The following HPF1 variants were observed in gnomAD, a reference collection of about 807,000 sequenced individuals.
HPF1 encodes the protein histone PARylation factor 1.
A neutral mutation model predicts 38.8 loss-of-function variants in HPF1; 35 were observed. The ratio of observed to expected loss-of-function variants is 0.90; its 90% confidence interval spans 0.69 to 1.19. The LOEUF is 1.19. Among genes scored for constraint, HPF1 ranks in the 50% most tolerant of loss-of-function variants. HPF1 has a pLI of 0.00. For synonymous variants in HPF1, 115 were observed against 139.2 expected (o/e 0.83, Z 1.22); for missense variants, 367 against 405.8 (o/e 0.90, Z 0.82).
chr4:169,743,467 C>A (rs1301087516), intron 4 of HPF1, among the ~76,000 whole-genome samples: 1 of 123,444 alleles, frequency 8.1e-6, no homozygotes, highest in South Asian at 2.7e-4. Context: ...TATTATAACA[C>A]TAAAGGTCGA....
At chr4:169,747,973 T>G (rs1487951277) in intron 4 of HPF1, among the ~76,000 whole-genome samples, 1 of 152,140 alleles carries the variant, frequency 6.6e-6, no homozygotes, top group African/African-American at 2.4e-5. Context: ...CTAGAGCCAC[T>G]CACTGTGGCA....
chr4:169,733,501 C>A (rs1235383433), intron 6 of HPF1, among the ~76,000 whole-genome samples: 1 of 152,166 alleles, frequency 6.6e-6, no homozygotes, highest in African/African-American at 2.4e-5. Context: ...CTGGTTAAAA[C>A]ATTAACAATT....
intron 4 of HPF1, among the ~76,000 whole-genome samples, chr4:169,743,942 C>T (rs753247106): frequency 6.6e-6 from 1 of 151,860 alleles, no homozygotes; most frequent in Non-Finnish European, 1.5e-5. Flanking sequence ...AGATTAAACC[C>T]GTAGAGTTAC....
intron 2 of HPF1, among the ~76,000 whole-genome samples, chr4:169,753,159 G>A (rs1415786261): frequency 2.0e-5 from 3 of 148,382 alleles, no homozygotes; most frequent in Non-Finnish European, 4.4e-5. Flanking sequence ...TCAGCTTCCC[G>A]AGTAGCTGGG....
chr4:169,740,254 C>T (rs1317755046), intron 5 of HPF1, among the ~76,000 whole-genome samples: 4 of 152,190 alleles, frequency 2.6e-5, no homozygotes, highest in Non-Finnish European at 5.9e-5. Context: ...TTGGGTTTTA[C>T]ATGTGTCATT....
At chr4:169,730,591 C>T (rs1336296153) in intron 7 of HPF1, among the ~76,000 whole-genome samples, 1 of 152,230 alleles carries the variant, frequency 6.6e-6, no homozygotes, top group African/African-American at 2.4e-5. Context: ...TGCAAATTCT[C>T]AGGACCCACC....
At chr4:169,739,784 G>A (rs1425733472) in intron 5 of HPF1, among the ~76,000 whole-genome samples, 2 of 152,124 alleles carry the variant, frequency 1.3e-5, no homozygotes, top group African/African-American at 4.8e-5. Flanking sequence ...AAAATTATGA[G>A]GTAGATCTTA....
chr4:169,750,832 TA>T (rs1346175335), intron 2 of HPF1, 107 bp from the exon 3 acceptor site: 9 of 811,990 alleles, frequency 1.1e-5, no homozygotes, highest in Non-Finnish European at 1.7e-5. Flanking sequence ...GTTTCTAAAC[TA>T]AAAAAATCTT....
At chr4:169,743,875 T>C (rs1258253601) in intron 4 of HPF1, among the ~76,000 whole-genome samples, 1 of 149,920 alleles carries the variant, frequency 6.7e-6, no homozygotes, top group East Asian at 1.9e-4. Context: ...ATTGTACTTA[T>C]CAGGAAAAAA....
rs184007849 is a variant in HPF1 at position 169,742,754 on chromosome 4, T to G, written c.498-647A>C. 5.6e-3 allele frequency among the ~76,000 whole-genome samples: 852 copies of G among 151,968 alleles called. 10 individuals carry two copies. Among genetic ancestry groups the G allele is most frequent in the South Asian group, 0.047 (226 of 4,804 alleles). On this transcript the variant is annotated intron_variant, in intron 4 of 7. Coordinates refer to ENST00000393381, the MANE Select transcript of HPF1 (RefSeq NM_017867.3). ...TTGCAGTGAACCGAGATCGCGCCAC[T>G]GCACTCCAGCCTGGGCCACAGAGCA...
chr4:169,740,098 G>A (rs1314259091), intron 5 of HPF1, among the ~76,000 whole-genome samples: 3 of 152,206 alleles, frequency 2.0e-5, no homozygotes, highest in Admixed American at 6.5e-5. Context: ...GGGATCACAG[G>A]TGGATGGAGT....
intron 2 of HPF1, among the ~76,000 whole-genome samples, chr4:169,751,207 A>G (rs1355758136): frequency 6.6e-6 from 1 of 152,110 alleles, no homozygotes; most frequent in Non-Finnish European, 1.5e-5. Flanking sequence ...GGAGGAGACA[A>G]GCCTGGCCAA....
intron 5 of HPF1, among the ~76,000 whole-genome samples, chr4:169,740,820 T>G (rs1733959144): frequency 6.6e-6 from 1 of 152,198 alleles, no homozygotes; most frequent in South Asian, 2.1e-4. Context: ...AAATCTCCTC[T>G]GAAATAAATC....
In HPF1 at chr4:169,731,308, C is replaced by A. The variant is rs1477613562; in HGVS notation, c.909+396G>T. Reference sequence around the variant, plus strand: ...GAATTTAAGCACAATAACAAATACCCCCACCACAATGGAAACGAAATGGAG... The same window carrying A: ...GAATTTAAGCACAATAACAAATACCACCACCACAATGGAAACGAAATGGAG... On this transcript the variant is annotated intron_variant, in intron 7 of 7. Transcript: ENST00000393381. Among the ~76,000 whole-genome samples the A allele has an allele frequency of 3.3e-5, 5 of 152,206 alleles. No individual in the cohort carries two copies. The East Asian group carries it at 9.7e-4, about 29-fold the overall frequency.
chr4:169,741,908 G>GA (rs773073313), intron 5 of HPF1, 49 bp downstream of exon 5: 54 of 1,538,748 alleles, frequency 3.5e-5, no homozygotes, highest in Non-Finnish European at 4.0e-5. Flanking sequence ...ATCAAGAGGG[G>GA]AAAAAAATAT....
intron 1 of HPF1, 58 bp downstream of exon 1, chr4:169,757,772 G>A: frequency 1.4e-6 from 2 of 1,448,784 alleles, no homozygotes; most frequent in Non-Finnish European, 1.9e-6. Context: ...CTGCCTCCTG[G>A]TGCCCTGGCT....
chr4:169,730,236 TTGC>T (rs1331446842), intron 7 of HPF1, among the ~76,000 whole-genome samples: 1 of 152,254 alleles, frequency 6.6e-6, no homozygotes, highest in African/African-American at 2.4e-5. Flanking sequence ...TACCACCGTT[TTGC>T]TGATCATAAT....
chr4:169,745,829 TA>T (rs1734040787), intron 4 of HPF1, among the ~76,000 whole-genome samples: 1 of 152,208 alleles, frequency 6.6e-6, no homozygotes, highest in Non-Finnish European at 1.5e-5. Flanking sequence ...CTGCTGTGAA[TA>T]ATGCAATGAC....
At chr4:169,753,184 C>T (rs1422973804) in intron 2 of HPF1, among the ~76,000 whole-genome samples, 3 of 151,852 alleles carry the variant, frequency 2.0e-5, no homozygotes, top group African/African-American at 4.8e-5. Flanking sequence ...CAGGTGTGCA[C>T]CACCATGCCC....
Sources: gnomAD v4.1 joint callset for allele counts (sites outside exome capture counted in the v4.1 genomes callset) on GRCh38, gnomAD v4.1.1 for gene constraint, MANE v1.5 for transcripts, NCBI Gene and HGNC (gene_info 2026-07-23, HGNC 2026-07-21) for gene names.